The following ADGRA3 variants were observed in gnomAD, a reference collection of about 807,000 sequenced individuals.
The protein encoded by ADGRA3 is G-protein coupled receptor 125.
ADGRA3 carries 56 observed loss-of-function variants against 119.8 expected under a neutral mutation model. The observed-to-expected ratio is 0.47, with a 90% CI of 0.38 to 0.58. ADGRA3 has a LOEUF of 0.58. Among genes scored for constraint, ADGRA3 ranks in the 20% least tolerant of loss-of-function variants. The probability of loss-of-function intolerance (pLI) is 0.00; values close to 1 mark genes in which losing one functional copy is unlikely to be tolerated. For synonymous variants in ADGRA3, 607 were observed against 623.8 expected, an observed-to-expected ratio of 0.97 and a Z score of 0.40; for missense variants, 1,516 against 1,649.0, an observed-to-expected ratio of 0.92 and a Z score of 1.40.
chr4:22,515,811 G>A lies in ADGRA3; in HGVS notation c.-27C>T. 1 of 990,194 alleles carries A rather than the reference G, an allele frequency of 1.0e-6. No homozygotes were observed. The highest frequency in any genetic ancestry group is 4.6e-5 in the South Asian group (1 of 21,852). The allele number at this position is 990,194 out of a possible 1,614,324, so 61.3% of individuals were successfully genotyped here. ...CTGCGGGCCGGGGCCTGCGGGGCGA[G>A]CGGCGGCGCACTGGCCTAGCGGGCC... is the stretch of plus-strand genomic sequence containing the variant. On this transcript the variant is annotated 5_prime_UTR_variant, in exon 1 of 19. Transcript: ENST00000334304.
intron 3 of ADGRA3, among the ~76,000 whole-genome samples, chr4:22,457,713 T>C (rs926970701): frequency 6.6e-6 from 1 of 152,208 alleles, no homozygotes; most frequent in Non-Finnish European, 1.5e-5. Context: ...GAGAGATTAT[T>C]TACTGAAAGA....
At chr4:22,473,590 T>G (rs1717931370) in intron 2 of ADGRA3, among the ~76,000 whole-genome samples, 182 bp downstream of exon 2, 1 of 152,230 alleles carries the variant, frequency 6.6e-6, no homozygotes, top group Non-Finnish European at 1.5e-5. Context: ...ATCTGGCCCT[T>G]TACAGAATTT....
intron 14 of ADGRA3, among the ~76,000 whole-genome samples, chr4:22,404,937 T>C (rs1023499955): frequency 5.8e-4 from 89 of 152,296 alleles, no homozygotes; most frequent in African/African-American, 2.1e-3. Flanking sequence ...ACTTTCAATA[T>C]CTAGTTTAGC....
intron 1 of ADGRA3, among the ~76,000 whole-genome samples, chr4:22,489,405 T>C (rs758452725): frequency 3.2e-4 from 48 of 152,252 alleles, no homozygotes; most frequent in Middle Eastern, 6.8e-3. Flanking sequence ...ATCATGATGG[T>C]TACACCACAG....
intron 10 of ADGRA3, among the ~76,000 whole-genome samples, chr4:22,430,408 G>A (rs1276557213): frequency 2.0e-5 from 3 of 152,270 alleles, no homozygotes. Context: ...GGATGGAGAT[G>A]AGGAACTTGG....
chr4:22,436,370 AAC>A, intron 9 of ADGRA3, 68 bp downstream of exon 9: 1 of 1,240,730 alleles, frequency 8.1e-7, no homozygotes, highest in Non-Finnish European at 1.1e-6. Context: ...AAAAAAAAAA[AAC>A]TTATGTATTT....
intron 2 of ADGRA3, among the ~76,000 whole-genome samples, chr4:22,464,244 A>G (rs1431891052): frequency 3.3e-5 from 5 of 152,206 alleles, no homozygotes; most frequent in Admixed American, 3.3e-4. Flanking sequence ...CATATTCCAC[A>G]AGAAGAAAAC....
intron 1 of ADGRA3, among the ~76,000 whole-genome samples, chr4:22,494,272 C>G (rs575986041): frequency 6.6e-6 from 1 of 151,486 alleles, no homozygotes; most frequent in Non-Finnish European, 1.5e-5. Flanking sequence ...AGCGCCATGA[C>G]AGTTTACAGA....
intron 1 of ADGRA3, among the ~76,000 whole-genome samples, chr4:22,482,256 C>A (rs1188786811): frequency 2.0e-5 from 3 of 152,078 alleles, no homozygotes; most frequent in Non-Finnish European, 4.4e-5. Context: ...GTATAAAAAT[C>A]TTTTCCAATT....
At chr4:22,425,609 T>C (rs1156472896) in intron 10 of ADGRA3, among the ~76,000 whole-genome samples, 1 of 152,194 alleles carries the variant, frequency 6.6e-6, no homozygotes, top group Non-Finnish European at 1.5e-5. Flanking sequence ...GGACCTCTAA[T>C]CAAGTAGTAA....
At chr4:22,496,570 A>G (rs889691349) in intron 1 of ADGRA3, among the ~76,000 whole-genome samples, 2 of 152,190 alleles carry the variant, frequency 1.3e-5, no homozygotes, top group African/African-American at 4.8e-5. Context: ...CGCTATTAGA[A>G]TATACTGGGA....
chr4:22,422,250 T>C (rs116037643), intron 11 of ADGRA3, among the ~76,000 whole-genome samples: 612 of 152,264 alleles, frequency 4.0e-3, no homozygotes, highest in African/African-American at 0.013. Context: ...TATGGATGTC[T>C]TTTTCTTTAA....
intron 2 of ADGRA3, among the ~76,000 whole-genome samples, chr4:22,465,272 C>T (rs748026062): frequency 7.2e-5 from 11 of 152,002 alleles, no homozygotes; most frequent in Non-Finnish European, 1.6e-4. Flanking sequence ...CAGGTAGTAC[C>T]CCCAAATTTT....
chr4:22,395,212 G>C (rs934897507), intron 16 of ADGRA3, among the ~76,000 whole-genome samples: 7 of 152,078 alleles, frequency 4.6e-5, no homozygotes, highest in African/African-American at 1.7e-4. Flanking sequence ...TGTAAAATGG[G>C]TATAAAATAA....
chr4:22,485,785 C>T (rs949709467), intron 1 of ADGRA3, among the ~76,000 whole-genome samples: 9 of 152,196 alleles, frequency 5.9e-5, no homozygotes, highest in African/African-American at 2.2e-4. Context: ...TATACAGTCG[C>T]CCACTATATT....
At chr4:22,413,075 T>TAAAAAAAAAAAAAAAA (rs74406494) in intron 14 of ADGRA3, 107 bp downstream of exon 14, 20 of 727,964 alleles carry the variant, frequency 2.7e-5, no homozygotes, top group African/African-American at 1.3e-4. Flanking sequence ...ATGTTAAAAG[T>TAAAAAAAAAAAAAAAA]AAAAAAAAAA....
chr4:22,486,472 C>G (rs910084120), intron 1 of ADGRA3, among the ~76,000 whole-genome samples: 14 of 152,132 alleles, frequency 9.2e-5, no homozygotes, highest in African/African-American at 3.4e-4. Flanking sequence ...CTGCGTAAAA[C>G]AAGAAAACCT....
rs188453421 is a variant in ADGRA3, at chr4:22,460,886, A to G, written c.401+851T>C. The stretch of plus-strand genomic sequence containing the variant: ...TGGCAAGTGCTCAGTAAACGCTTTC[A>G]GAAAGCATAAAGGATGGAGAGACAG... On this transcript the variant is annotated intron_variant, in intron 3 of 18. Transcript: ENST00000334304. Among the ~76,000 whole-genome samples the G allele has an allele frequency of 6.8e-3, 1,032 of 152,328 alleles. 6 individuals carry two copies. The highest frequency in any genetic ancestry group is 0.011 in the Non-Finnish European group (745 of 68,032).
intron 8 of ADGRA3, among the ~76,000 whole-genome samples, chr4:22,437,514 A>T (rs1447864158): frequency 6.6e-6 from 1 of 152,164 alleles, no homozygotes; most frequent in African/African-American, 2.4e-5. Context: ...ATCAACTATA[A>T]ACTCATTTTT....
Sources: allele counts gnomAD v4.1 joint callset (sites outside exome capture counted in the v4.1 genomes callset), GRCh38; gene constraint gnomAD v4.1.1; transcripts MANE v1.5; gene names NCBI Gene and HGNC (gene_info 2026-07-23, HGNC 2026-07-21).